Variants in ZNF695 observed in about 807,000 individuals in gnomAD.
ZNF695 encodes zinc finger protein 695.
Under a neutral mutation model 11.2 loss-of-function variants are expected in ZNF695, and 11 were observed. The observed-to-expected ratio is 0.98, with a 90% CI of 0.62 to 1.62. The LOEUF is 1.62. Among genes scored for constraint, ZNF695 ranks in the 40% most tolerant of loss-of-function variants. The probability of loss-of-function intolerance (pLI) is 0.00; values close to 1 mark genes in which losing one functional copy is unlikely to be tolerated. For missense variants in ZNF695, 559 were observed against 590.5 expected, an observed-to-expected ratio of 0.95 and a Z score of 0.55; for synonymous variants, 190 against 201.4, an observed-to-expected ratio of 0.94 and a Z score of 0.48.
intron 3 of ZNF695, among the ~76,000 whole-genome samples, chr1:246,992,370 A>C (rs1669066853): frequency 6.7e-6 from 1 of 149,900 alleles, no homozygotes; most frequent in South Asian, 2.2e-4. Context: ...ATGGAGATAG[A>C]GAGTAGAAGA....
intron 5 of ZNF695, among the ~76,000 whole-genome samples, chr1:246,960,844 G>A (rs1371682888): frequency 6.6e-6 from 1 of 152,046 alleles, no homozygotes; most frequent in Non-Finnish European, 1.5e-5. Flanking sequence ...GAGGTGGGAG[G>A]ATCACCTGAG....
At chr1:246,961,386 T>C (rs185124390) in intron 5 of ZNF695, among the ~76,000 whole-genome samples, 5 of 152,352 alleles carry the variant, frequency 3.3e-5, no homozygotes, top group East Asian at 1.9e-4. Context: ...AATGAATGAA[T>C]GCAAATCTTC....
chr1:246,984,159 A>C (rs1238945679), downstream of ZNF695, among the ~76,000 whole-genome samples: 3 of 150,810 alleles, frequency 2.0e-5, no homozygotes, highest in African/African-American at 7.3e-5. Flanking sequence ...CTCCAAAAAA[A>C]AAAAAAAAAA....
intron 2 of ZNF695, 54 bp from the exon 3 acceptor site, chr1:246,999,494 T>C: frequency 7.2e-7 from 1 of 1,387,458 alleles, no homozygotes; most frequent in Non-Finnish European, 1.0e-6. Flanking sequence ...TTAATCACCT[T>C]TTACTATGCT....
At chr1:247,006,614 C>T (rs546700071) in intron 1 of ZNF695, among the ~76,000 whole-genome samples, 1 of 152,064 alleles carries the variant, frequency 6.6e-6, no homozygotes, top group Admixed American at 6.5e-5. Context: ...AGTGAGACTT[C>T]GTCTCAAAAA....
At chr1:247,003,196 G>C (rs77509256) in intron 1 of ZNF695, among the ~76,000 whole-genome samples, 1,901 of 152,242 alleles carry the variant, frequency 0.012, 38 homozygotes, top group African/African-American at 0.044. Flanking sequence ...CAATAGCAAA[G>C]ACATGGAGTC....
At chr1:246,970,337 C>A (rs1408103246) in intron 4 of ZNF695, among the ~76,000 whole-genome samples, 1 of 151,332 alleles carries the variant, frequency 6.6e-6, no homozygotes, top group Non-Finnish European at 1.5e-5. Context: ...CAGAGGTGAG[C>A]CCTACAATCA....
intron 5 of ZNF695, among the ~76,000 whole-genome samples, chr1:246,957,130 C>A (rs930638630): frequency 6.6e-6 from 1 of 152,102 alleles, no homozygotes; most frequent in African/African-American, 2.4e-5. Context: ...TGCCTGTAAT[C>A]CCAACACTTT....
chr1:246,984,792 T>A (rs182949838), downstream of ZNF695, among the ~76,000 whole-genome samples: 7 of 152,384 alleles, frequency 4.6e-5, no homozygotes, highest in East Asian at 1.3e-3. Flanking sequence ...TGTGGAATTA[T>A]TCACATCTTC....
Position 246,986,779 on chromosome 1 carries a change from G to C in ZNF695, c.*188C>G. ...TAAGAGCTGTGATATAAGTGGAGGTGTTGAACCGGTCTATTTGTATTGTTC... is the reference window on the plus strand; with the variant it reads ...TAAGAGCTGTGATATAAGTGGAGGTCTTGAACCGGTCTATTTGTATTGTTC... On this transcript the variant is annotated 3_prime_UTR_variant, in exon 4 of 4. Coordinates refer to ENST00000339986, the MANE Select transcript of ZNF695 (RefSeq NM_020394.5). The C allele has an allele frequency of 3.0e-6, 4 of 1,350,062 alleles. No individual in the cohort carries two copies. The highest frequency in any genetic ancestry group is 3.8e-6 in the Non-Finnish European group (4 of 1,057,324). The allele number at this position is 1,350,062 out of a possible 1,614,324, so 83.6% of individuals were successfully genotyped here.
chr1:246,967,594 G>C (rs1668320682), intron 5 of ZNF695: 2 of 396,654 alleles, frequency 5.0e-6, no homozygotes, highest in Non-Finnish European at 1.0e-5. Context: ...GGAAGATCAG[G>C]AGTTTTGACC....
chr1:247,002,889 C>T (rs951282059), intron 1 of ZNF695, among the ~76,000 whole-genome samples: 2 of 152,132 alleles, frequency 1.3e-5, no homozygotes, highest in African/African-American at 4.8e-5. Context: ...CACTAATCAT[C>T]AGAGAAATGC....
At chr1:247,004,850 C>T (rs1345044503) in intron 1 of ZNF695, among the ~76,000 whole-genome samples, 1 of 151,976 alleles carries the variant, frequency 6.6e-6, no homozygotes, top group Non-Finnish European at 1.5e-5. Flanking sequence ...AAATAAAATA[C>T]CTAGGAATAA....
intron 4 of ZNF695, among the ~76,000 whole-genome samples, chr1:246,975,396 A>G (rs966702929): frequency 5.3e-5 from 8 of 152,188 alleles, no homozygotes; most frequent in African/African-American, 1.9e-4. Flanking sequence ...TTTAACTCCA[A>G]AGGAAATATG....
intron 5 of ZNF695, among the ~76,000 whole-genome samples, chr1:246,953,445 A>T (rs1667915214): frequency 6.6e-6 from 1 of 151,668 alleles, no homozygotes; most frequent in African/African-American, 2.4e-5. Flanking sequence ...CGCATCTAGT[A>T]AAAAAAATAT....
In ZNF695 at chr1:246,992,084, A is replaced by C. The variant is rs375780698; in HGVS notation, c.260-3829T>G. On this transcript the variant is annotated intron_variant, in intron 3 of 3. Coordinates refer to ENST00000339986, the MANE Select transcript of ZNF695 (RefSeq NM_020394.5). ...GAGGCTGAGACGGGAGAACAGCGTC[A>C]ACCCGGGAGGCGGAGCTTGCAGTGA... 4.0e-3 allele frequency among the ~76,000 whole-genome samples: 614 copies of C among 152,222 alleles called. 4 individuals are homozygous for C. The highest frequency in any genetic ancestry group is 0.034 in the Middle Eastern group (10 of 294).
chr1:246,971,028 C>G (rs1473082983), intron 4 of ZNF695, among the ~76,000 whole-genome samples: 1 of 152,126 alleles, frequency 6.6e-6, no homozygotes, highest in African/African-American at 2.4e-5. Flanking sequence ...ACAGCTGGGC[C>G]CAGGGGACTA....
At chr1:246,996,754 T>C (rs1481072008) in intron 3 of ZNF695, among the ~76,000 whole-genome samples, 1 of 152,192 alleles carries the variant, frequency 6.6e-6, no homozygotes, top group Non-Finnish European at 1.5e-5. Context: ...GGTGACATGC[T>C]AAATGAAGTA....
chr1:246,989,621 C>T (rs1362218859), intron 3 of ZNF695, among the ~76,000 whole-genome samples: 1 of 152,150 alleles, frequency 6.6e-6, no homozygotes, highest in Non-Finnish European at 1.5e-5. Context: ...GCCTTACTTA[C>T]CAATAACAAC....
Sources: gnomAD v4.1 joint callset for allele counts (sites outside exome capture counted in the v4.1 genomes callset) on GRCh38, gnomAD v4.1.1 for gene constraint, MANE v1.5 for transcripts, NCBI Gene and HGNC (gene_info 2026-07-23, HGNC 2026-07-21) for gene names.